PRKCA: variants seen among roughly 807,000 people sequenced by gnomAD.
The protein encoded by PRKCA is protein kinase C alpha.
A neutral mutation model predicts 87.0 loss-of-function variants in PRKCA; 27 were observed. The ratio of observed to expected loss-of-function variants is 0.31; its 90% confidence interval spans 0.23 to 0.43. The LOEUF is 0.43. Ranked by LOEUF, PRKCA falls within the 20% of genes least tolerant of loss-of-function variation. The probability of loss-of-function intolerance (pLI) is 1.00; values close to 1 mark genes in which losing one functional copy is unlikely to be tolerated. For synonymous variants in PRKCA, 329 were observed against 311.1 expected, an observed-to-expected ratio of 1.06 and a Z score of -0.61; for missense variants, 518 against 852.3, an observed-to-expected ratio of 0.61 and a Z score of 4.88.
chr17:66,433,567 CAG>C (rs1913212907), intron 2 of PRKCA, among the ~76,000 whole-genome samples: 2 of 152,048 alleles, frequency 1.3e-5, no homozygotes, highest in South Asian at 4.1e-4. Context: ...TTTATGGAGA[CAG>C]AGTCTTGCTC....
chr17:66,636,899 C>T (rs987033001), intron 3 of PRKCA, among the ~76,000 whole-genome samples: 2 of 152,176 alleles, frequency 1.3e-5, no homozygotes, highest in Non-Finnish European at 2.9e-5. Context: ...TTGTTCTAAA[C>T]AAAGATCCTG....
chr17:66,562,208 TA>T (rs1247684947), intron 3 of PRKCA, among the ~76,000 whole-genome samples: 2 of 139,214 alleles, frequency 1.4e-5, no homozygotes, highest in African/African-American at 5.3e-5. Flanking sequence ...TAAATATATA[TA>T]ATTAAATTAT....
intron 3 of PRKCA, among the ~76,000 whole-genome samples, chr17:66,592,184 G>T (rs1428193081): frequency 6.6e-6 from 1 of 151,750 alleles, no homozygotes; most frequent in Non-Finnish European, 1.5e-5. Flanking sequence ...GCAAAACCCC[G>T]TCTCTACTAC....
At chr17:66,424,172 T>C (rs1270709889) in intron 2 of PRKCA, among the ~76,000 whole-genome samples, 1 of 152,176 alleles carries the variant, frequency 6.6e-6, no homozygotes. Flanking sequence ...AATATCTTTC[T>C]GGAGAAAAGC....
chr17:66,781,887 AGTGTGTGT>A (rs749824745), intron 14 of PRKCA, among the ~76,000 whole-genome samples: 28 of 125,610 alleles, frequency 2.2e-4, no homozygotes, highest in Admixed American at 4.9e-4. Flanking sequence ...ATATATATAT[AGTGTGTGT>A]GTGTGTGTGT....
At chr17:66,582,034 C>G (rs762822778) in intron 3 of PRKCA, among the ~76,000 whole-genome samples, 1 of 152,146 alleles carries the variant, frequency 6.6e-6, no homozygotes. Context: ...TGAAGAGTCA[C>G]GGAGGATCCT....
intron 2 of PRKCA, among the ~76,000 whole-genome samples, chr17:66,424,303 G>A (rs890193450): frequency 6.6e-6 from 1 of 152,132 alleles, no homozygotes; most frequent in Non-Finnish European, 1.5e-5. Flanking sequence ...GCTGGGCCCG[G>A]TGGCTCACGC....
chr17:66,548,428 C>G (rs943088244), intron 3 of PRKCA, among the ~76,000 whole-genome samples: 1 of 152,194 alleles, frequency 6.6e-6, no homozygotes, highest in African/African-American at 2.4e-5. Context: ...AAGTTCAACA[C>G]ACATGCCTAA....
intron 3 of PRKCA, among the ~76,000 whole-genome samples, chr17:66,615,055 A>T (rs1216036248): frequency 6.6e-6 from 1 of 152,186 alleles, no homozygotes; most frequent in Non-Finnish European, 1.5e-5. Flanking sequence ...CAGGGCTTCC[A>T]TGCACAGTCC....
chr17:66,538,193 A>G (rs1249187905), intron 3 of PRKCA, among the ~76,000 whole-genome samples: 1 of 152,178 alleles, frequency 6.6e-6, no homozygotes, highest in Non-Finnish European at 1.5e-5. Flanking sequence ...GTCACAGGGT[A>G]AAGAATGTGG....
intron 5 of PRKCA, among the ~76,000 whole-genome samples, chr17:66,646,087 C>T (rs1453030168): frequency 6.6e-6 from 1 of 152,172 alleles, no homozygotes; most frequent in African/African-American, 2.4e-5. Context: ...ACAGAGAGAT[C>T]AATAACTTGC....
At chr17:66,608,383 CT>C (rs1970268583) in intron 3 of PRKCA, among the ~76,000 whole-genome samples, 1 of 152,270 alleles carries the variant, frequency 6.6e-6, no homozygotes, top group African/African-American at 2.4e-5. Flanking sequence ...TTAAACAGAA[CT>C]TTTTCTTTCT....
intron 8 of PRKCA, among the ~76,000 whole-genome samples, chr17:66,691,311 TATAA>T (rs1265197102): frequency 1.3e-5 from 2 of 152,200 alleles, no homozygotes; most frequent in African/African-American, 4.8e-5. Context: ...TTACAATATG[TATAA>T]ATAAAAAGGT....
At chr17:66,523,825 C>T (rs993231580) in intron 3 of PRKCA, among the ~76,000 whole-genome samples, 5 of 152,110 alleles carry the variant, frequency 3.3e-5, no homozygotes, top group East Asian at 1.9e-4. Flanking sequence ...ACTTTCAGAG[C>T]GAGCGTCAGA....
Position 66,804,974 on chromosome 17 carries a change from T to C in PRKCA, c.*937T>C. 1 of 984,772 alleles carries C rather than the reference T, an allele frequency of 1.0e-6. No homozygotes were observed. Among genetic ancestry groups the C allele is most frequent in the Non-Finnish European group, 1.2e-6 (1 of 829,088 alleles). The allele number at this position is 984,772 out of a possible 1,614,324, so 61.0% of individuals were successfully genotyped here. ...TTATCCTTCTCAAGAAGCTGAAGTG[T>C]ACGCCCTCTCCCCTTTTGTGCTTAT... On this transcript the variant is annotated 3_prime_UTR_variant, in exon 17 of 17. Coordinates refer to ENST00000413366, the MANE Select transcript of PRKCA (RefSeq NM_002737.3).
At chr17:66,658,702 A>G (rs1171856871) in intron 5 of PRKCA, among the ~76,000 whole-genome samples, 1 of 152,212 alleles carries the variant, frequency 6.6e-6, no homozygotes, top group Non-Finnish European at 1.5e-5. Context: ...AATACGTATT[A>G]GGGGTTGTTA....
intron 3 of PRKCA, among the ~76,000 whole-genome samples, chr17:66,583,868 A>G (rs1199209038): frequency 2.0e-5 from 3 of 152,206 alleles, no homozygotes; most frequent in African/African-American, 4.8e-5. Flanking sequence ...GCAGCTAAGT[A>G]TCATAAAATT....
chr17:66,775,479 G>A lies in PRKCA; in HGVS notation c.1605+1412G>A, dbSNP rs561032303. On this transcript the variant is annotated intron_variant, in intron 14 of 16. Coordinates refer to ENST00000413366, the MANE Select transcript of PRKCA (RefSeq NM_002737.3). ...TCTGAGAGCTCAGCAGGGGAAGCAG[G>A]CTTGGTAATCACGAAGCAGGCTTGG... 20 of 984,900 alleles carry A rather than the reference G, an allele frequency of 2.0e-5. No individual in the cohort carries two copies. In the South Asian group the frequency reaches 8.0e-4, roughly 39 times the overall value. The allele number at this position is 984,900 out of a possible 1,614,324, so 61.0% of individuals were successfully genotyped here.
At chr17:66,663,338 C>T (rs1307870846) in intron 5 of PRKCA, among the ~76,000 whole-genome samples, 2 of 152,216 alleles carry the variant, frequency 1.3e-5, no homozygotes, top group African/African-American at 2.4e-5. Flanking sequence ...CTTTGTTTGC[C>T]ACACTGATGT....
Sources: gnomAD v4.1 joint callset for allele counts (sites outside exome capture counted in the v4.1 genomes callset) on GRCh38, gnomAD v4.1.1 for gene constraint, MANE v1.5 for transcripts, NCBI Gene and HGNC (gene_info 2026-07-23, HGNC 2026-07-21) for gene names.